Variants in SEPTIN12 observed in about 807,000 individuals in gnomAD.
The protein encoded by SEPTIN12 is septin-12.
In SEPTIN12, 42 loss-of-function variants were observed where a neutral mutation model predicts 37.7. The ratio of observed to expected loss-of-function variants is 1.11; its 90% confidence interval spans 0.87 to 1.44. The LOEUF (loss-of-function observed/expected upper bound fraction) is 1.44, where lower values mean the gene tolerates loss of function less well. Ranked by LOEUF, SEPTIN12 falls within the 40% of genes most tolerant of loss-of-function variation. The pLI is 0.00. For synonymous variants in SEPTIN12, 254 were observed against 196.7 expected (o/e 1.29, Z -2.44); for missense variants, 613 against 479.2 (o/e 1.28, Z -2.61).
At chr16:4,784,902 T>C (rs1596256106) in intron 4 of SEPTIN12, among the ~76,000 whole-genome samples, 2 of 151,938 alleles carry the variant, frequency 1.3e-5, no homozygotes, top group East Asian at 1.9e-4. Context: ...CTGAGGTCAG[T>C]AGTTCGAGAC....
intron 4 of SEPTIN12, among the ~76,000 whole-genome samples, chr16:4,784,743 C>T (rs1360626174): frequency 6.6e-6 from 1 of 150,956 alleles, no homozygotes; most frequent in Non-Finnish European, 1.5e-5. Flanking sequence ...GCACTCCAGC[C>T]TGGGAAACAG....
chr16:4,780,007 G>A (rs900844952), intron 7 of SEPTIN12, among the ~76,000 whole-genome samples: 4 of 152,014 alleles, frequency 2.6e-5, no homozygotes, highest in African/African-American at 9.7e-5. Flanking sequence ...TTAGGAGGCC[G>A]AGGTGGGAGG....
At chr16:4,782,300 G>T (rs1287646853) in intron 7 of SEPTIN12, among the ~76,000 whole-genome samples, 1 of 152,080 alleles carries the variant, frequency 6.6e-6, no homozygotes, top group African/African-American at 2.4e-5. Context: ...CATGGTTAAG[G>T]GATAGTCCAT....
At chr16:4,780,470 T>C (rs1226031030) in intron 7 of SEPTIN12, among the ~76,000 whole-genome samples, 1 of 152,128 alleles carries the variant, frequency 6.6e-6, no homozygotes, top group Admixed American at 6.6e-5. Flanking sequence ...TCTTGAACCA[T>C]GACATCAGAG....
intron 2 of SEPTIN12, among the ~76,000 whole-genome samples, chr16:4,787,096 G>A (rs930556176): frequency 9.9e-5 from 15 of 151,842 alleles, no homozygotes; most frequent in Admixed American, 2.6e-4. Context: ...GGCTGTTTTC[G>A]AACTCCTGAC....
At chr16:4,786,195 A>G (rs1319821791) in intron 2 of SEPTIN12, 90 bp from the exon 3 acceptor site, 3 of 1,462,102 alleles carry the variant, frequency 2.1e-6, no homozygotes, top group East Asian at 4.7e-5. Context: ...ATTTTTGGAG[A>G]CAGGTTCTCA....
At chr16:4,779,809 G>C (rs1370097515) in intron 7 of SEPTIN12, 23 bp from the exon 8 acceptor site, 2 of 1,526,390 alleles carry the variant, frequency 1.3e-6, no homozygotes, top group Non-Finnish European at 1.8e-6. Context: ...AAGACACAGA[G>C]ATGGGAGGAT....
chr16:4,784,159 T>G (rs2082407595), intron 4 of SEPTIN12, 91 bp from the exon 5 acceptor site: 2 of 1,501,528 alleles, frequency 1.3e-6, no homozygotes, highest in African/African-American at 1.4e-5. Context: ...GGTCCTCCCT[T>G]GGGACGACGA....
At position 4,783,947 on chromosome 16, in the gene SEPTIN12, G is replaced by C. The variant is rs377665033; in HGVS notation, c.496C>G (p.Pro166Ala). Residue 166 changes from proline to alanine, a missense_variant, in exon 5 of 10, where the codon CCA (proline) becomes GCA (alanine). Pro to Ala is a conservative substitution (Grantham distance 27). Coordinates refer to ENST00000268231, the MANE Select transcript of SEPTIN12 (RefSeq NM_144605.5). ...TRVHCCVYFV[P>A]PTGHCLRPLD... ...CCCCCTCACCAGTGCCCAGTGGGTG[G>C]TACAAAGTACACGCAGCAGTGCACC... 36 of 1,614,184 alleles carry C rather than the reference G, an allele frequency of 2.2e-5. No individual in the cohort carries two copies. Among genetic ancestry groups the C allele is most frequent in the Admixed American group, 6.7e-5 (4 of 60,018 alleles).
At chr16:4,789,430 G>A (rs1163267763), upstream of SEPTIN12, among the ~76,000 whole-genome samples, 8 of 151,250 alleles carry the variant, frequency 5.3e-5, no homozygotes, top group African/African-American at 1.9e-4. Flanking sequence ...GGTTCACGCC[G>A]CTCTCCTGCC....
intron 2 of SEPTIN12, among the ~76,000 whole-genome samples, chr16:4,786,808 G>A (rs2082458411): frequency 1.3e-5 from 2 of 152,054 alleles, no homozygotes; most frequent in Non-Finnish European, 2.9e-5. Context: ...ACCATGCCTG[G>A]CTAATTTTTA....
upstream of SEPTIN12, among the ~76,000 whole-genome samples, chr16:4,789,674 G>T (rs2082520298): frequency 6.6e-6 from 1 of 151,834 alleles, no homozygotes; most frequent in Non-Finnish European, 1.5e-5. Flanking sequence ...GCCCATGCTG[G>T]TCTCAAACTC....
Position 4,788,275 on chromosome 16 carries a change from G to C in SEPTIN12, c.-23+5C>G, listed in dbSNP as rs995915052. ...GAGAGAGAGAGAAGCAGCCTGCTGT[G>C]ACACCTGGTGGACGTGGGTCCTGGT... On this transcript the variant is annotated splice_donor_5th_base_variant and intron_variant, in intron 1 of 9. Transcript: ENST00000268231. The C allele has an allele frequency of 6.5e-6, 1 of 153,838 alleles. No homozygotes were observed. Among genetic ancestry groups the C allele is most frequent in the Non-Finnish European group, 1.5e-5 (1 of 68,956 alleles). 9.5% of individuals were successfully genotyped at this position (153,838 alleles called of 1,614,324 possible).
intron 1 of SEPTIN12, 30 bp downstream of exon 1, chr16:4,788,248 CAG>C (rs144452701): frequency 6.3e-4 from 96 of 152,662 alleles, no homozygotes; most frequent in Non-Finnish European, 9.8e-4. Context: ...CCACGGGGGG[CAG>C]AGAGAGAGAG....
At chr16:4,779,192 C>T (rs2082346031) in intron 8 of SEPTIN12, among the ~76,000 whole-genome samples, 1 of 149,936 alleles carries the variant, frequency 6.7e-6, no homozygotes, top group Non-Finnish European at 1.5e-5. Context: ...ATCCTCGCTG[C>T]CCCTCCTGTG....
At chr16:4,778,057 C>G (rs376706257) in intron 9 of SEPTIN12, 29 bp downstream of exon 9, 68 of 1,613,686 alleles carry the variant, frequency 4.2e-5, no homozygotes, top group Non-Finnish European at 5.6e-5. Flanking sequence ...CTCGCCAGCC[C>G]CCTAGCCCCA....
In SEPTIN12 at chr16:4,778,173, G is replaced by C. The variant is rs201768963; in HGVS notation, c.824-36C>G. ...TGGGACTCAGTATGGGCGCTGCTTA[G>C]TGAGCACTGAGTAAGTGCCTACTGT... On this transcript the variant is annotated intron_variant, in intron 8 of 9. Coordinates refer to ENST00000268231, the MANE Select transcript of SEPTIN12 (RefSeq NM_144605.5). 3.1e-5 allele frequency: 50 copies of C among 1,611,112 alleles called. No individual in the cohort carries two copies. In the African/African-American group the frequency reaches 6.0e-4, roughly 19 times the overall value.
intron 8 of SEPTIN12, among the ~76,000 whole-genome samples, chr16:4,779,433 A>C (rs554359419): frequency 3.3e-5 from 5 of 152,186 alleles, no homozygotes; most frequent in South Asian, 4.1e-4. Flanking sequence ...GCATTGTGCA[A>C]AATGGTGGTT....
chr16:4,783,268 T>C, intron 7 of SEPTIN12, 194 bp downstream of exon 7: 1 of 608,206 alleles, frequency 1.6e-6, no homozygotes, highest in Non-Finnish European at 3.0e-6. Flanking sequence ...TCGCAGACAT[T>C]TTCTCCGATT....
Sources: allele counts gnomAD v4.1 joint callset (sites outside exome capture counted in the v4.1 genomes callset), GRCh38; gene constraint gnomAD v4.1.1; transcripts MANE v1.5; gene names NCBI Gene and HGNC (gene_info 2026-07-23, HGNC 2026-07-21).